GMDS: variants seen among roughly 807,000 people sequenced by gnomAD.
GMDS encodes GDP-mannose 4,6 dehydratase.
A neutral mutation model predicts 49.9 loss-of-function variants in GMDS; 20 were observed. The ratio of observed to expected loss-of-function variants is 0.40; its 90% confidence interval spans 0.28 to 0.58. GMDS has a LOEUF of 0.58. GMDS is among the 20% of genes least tolerant of loss of function. The pLI, the probability that GMDS is intolerant of heterozygous loss-of-function variation, is 0.42. For synonymous variants in GMDS, 177 were observed against 178.6 expected (o/e 0.99, Z 0.07); for missense variants, 362 against 481.4 (o/e 0.75, Z 2.32).
At chr6:1,721,173 T>C (rs1766371768) in intron 9 of GMDS, among the ~76,000 whole-genome samples, 2 of 152,020 alleles carry the variant, frequency 1.3e-5, no homozygotes, top group South Asian at 2.1e-4. Flanking sequence ...CAGAAAAATA[T>C]TAGGAAAAGT....
At chr6:2,220,101 A>G (rs976342399) in intron 1 of GMDS, among the ~76,000 whole-genome samples, 2 of 152,238 alleles carry the variant, frequency 1.3e-5, no homozygotes, top group African/African-American at 4.8e-5. Flanking sequence ...GTCAGTGTAT[A>G]AAATCAAAGA....
At chr6:2,099,393 T>A (rs1387217205) in intron 4 of GMDS, among the ~76,000 whole-genome samples, 1 of 152,120 alleles carries the variant, frequency 6.6e-6, no homozygotes, top group African/African-American at 2.4e-5. Flanking sequence ...TTTTCCCTGG[T>A]GAGCAATTTT....
At chr6:2,114,516 A>G (rs541123227) in intron 4 of GMDS, among the ~76,000 whole-genome samples, 1 of 152,376 alleles carries the variant, frequency 6.6e-6, no homozygotes, top group East Asian at 1.9e-4. Context: ...ATGGAGAATC[A>G]TTTAGAAAAA....
At chr6:1,658,216 T>C (rs4323354) in intron 9 of GMDS, among the ~76,000 whole-genome samples, 14,148 of 152,292 alleles carry the variant, frequency 0.093, 975 homozygotes, top group Admixed American at 0.21. Context: ...GTCCACAGCA[T>C]GATCTCTTCA....
intron 4 of GMDS, among the ~76,000 whole-genome samples, chr6:2,022,841 CACAG>C (rs67604874): frequency 0.014 from 2,149 of 152,238 alleles, 44 homozygotes; most frequent in African/African-American, 0.048. Context: ...ACATTTAGAA[CACAG>C]ACAGAGAACT....
chr6:1,665,995 G>T (rs998200358), intron 9 of GMDS, among the ~76,000 whole-genome samples: 17 of 152,318 alleles, frequency 1.1e-4, no homozygotes, highest in African/African-American at 3.8e-4. Flanking sequence ...GCGACTTGGA[G>T]GAGTTAAACT....
At chr6:1,805,481 G>T (rs1204543736) in intron 7 of GMDS, among the ~76,000 whole-genome samples, 2 of 152,136 alleles carry the variant, frequency 1.3e-5, no homozygotes, top group East Asian at 3.8e-4. Flanking sequence ...ACCTCTGGAG[G>T]TCTCTAAGAT....
rs928176202 is a variant in GMDS at position 1,822,940 on chromosome 6, A to T, written c.772-80354T>A. Among the ~76,000 whole-genome samples, 7 of 152,198 alleles carry T rather than the reference A, an allele frequency of 4.6e-5. No homozygotes were observed. In the South Asian group the frequency reaches 1.2e-3, roughly 27 times the overall value. On this transcript the variant is annotated intron_variant, in intron 7 of 10. Coordinates refer to ENST00000380815, the MANE Select transcript of GMDS (RefSeq NM_001500.4). Reference sequence around the variant, plus strand: ...ATAAACAGGTTTTCCCCAAATTACAAAATGCAATAGAAAAATCCTTCAATC... The same window carrying T: ...ATAAACAGGTTTTCCCCAAATTACATAATGCAATAGAAAAATCCTTCAATC...
chr6:1,985,753 C>T (rs2127353670), intron 4 of GMDS, among the ~76,000 whole-genome samples: 1 of 152,204 alleles, frequency 6.6e-6, no homozygotes, highest in East Asian at 1.9e-4. Context: ...AGGCAGAAAA[C>T]ATCCCAGTTC....
chr6:2,065,330 C>G lies in GMDS; in HGVS notation c.345+50441G>C, dbSNP rs546283131. Among the ~76,000 whole-genome samples the G allele has an allele frequency of 1.2e-3, 188 of 152,218 alleles. 2 individuals are homozygous for G. In the East Asian group the frequency reaches 0.018, roughly 14 times the overall value. On this transcript the variant is annotated intron_variant, in intron 4 of 10. Coordinates refer to ENST00000380815, the MANE Select transcript of GMDS (RefSeq NM_001500.4). Reference sequence around the variant, plus strand: ...AAACCACAAAGACGGGGAAAAAACACAGCAGAAAAACTGGAAACTCTAAAA... The same window carrying G: ...AAACCACAAAGACGGGGAAAAAACAGAGCAGAAAAACTGGAAACTCTAAAA...
At chr6:1,831,165 T>C (rs1331207792) in intron 7 of GMDS, among the ~76,000 whole-genome samples, 1 of 152,234 alleles carries the variant, frequency 6.6e-6, no homozygotes, top group Non-Finnish European at 1.5e-5. Flanking sequence ...AGTCAATGGC[T>C]TTCTTCCCTC....
intron 4 of GMDS, among the ~76,000 whole-genome samples, chr6:2,114,684 C>T (rs896170504): frequency 1.3e-5 from 2 of 152,148 alleles, no homozygotes; most frequent in Non-Finnish European, 2.9e-5. Context: ...ATGTAGCCAT[C>T]CTTCAAGGTT....
chr6:1,898,345 ACC>A (rs1031648884), intron 7 of GMDS, among the ~76,000 whole-genome samples: 7 of 152,248 alleles, frequency 4.6e-5, no homozygotes, highest in African/African-American at 1.7e-4. Flanking sequence ...ATTGCAAGAT[ACC>A]TTAGAAACTG....
At chr6:2,062,489 A>G (rs1300384633) in intron 4 of GMDS, among the ~76,000 whole-genome samples, 1 of 152,188 alleles carries the variant, frequency 6.6e-6, no homozygotes, top group Non-Finnish European at 1.5e-5. Context: ...GAAGATGCCA[A>G]GAAGAACCGT....
chr6:2,053,117 T>C (rs1770542090), intron 4 of GMDS, among the ~76,000 whole-genome samples: 1 of 152,208 alleles, frequency 6.6e-6, no homozygotes, highest in African/African-American at 2.4e-5. Context: ...AGAAAATATA[T>C]ATTTTTACTG....
Position 2,207,862 on chromosome 6 carries a change from CCT to C in GMDS, c.102+37457_102+37458del, listed in dbSNP as rs1273438547. 5.3e-5 allele frequency among the ~76,000 whole-genome samples: 8 copies of C among 151,960 alleles called. No individual in the cohort carries two copies. In the East Asian group the frequency reaches 1.5e-3, roughly 29 times the overall value. On this transcript the variant is annotated intron_variant, in intron 1 of 10. Transcript: ENST00000380815. ...TAATAACTAAGGGACACAGTAAATT[CCT>C]CTCAACAGGAAAATATTGAGAAGAT...
At chr6:1,922,605 G>A (rs1317687014) in intron 7 of GMDS, among the ~76,000 whole-genome samples, 1 of 152,070 alleles carries the variant, frequency 6.6e-6, no homozygotes, top group African/African-American at 2.4e-5. Context: ...CAAAACTACC[G>A]ATAGCCCGTC....
At chr6:2,180,145 T>A (rs958745257) in intron 1 of GMDS, among the ~76,000 whole-genome samples, 1 of 152,180 alleles carries the variant, frequency 6.6e-6, no homozygotes, top group Admixed American at 6.5e-5. Context: ...GACTAGCAAC[T>A]GGCTGGCTAC....
intron 9 of GMDS, among the ~76,000 whole-genome samples, chr6:1,671,209 G>A (rs1350223767): frequency 6.6e-6 from 1 of 152,200 alleles, no homozygotes; most frequent in African/African-American, 2.4e-5. Context: ...GACCTACAAA[G>A]ACGCCTGCCC....
Sources: gnomAD v4.1 joint callset for allele counts (sites outside exome capture counted in the v4.1 genomes callset) on GRCh38, gnomAD v4.1.1 for gene constraint, MANE v1.5 for transcripts, NCBI Gene and HGNC (gene_info 2026-07-23, HGNC 2026-07-21) for gene names.